The following NRG2 variants were observed in gnomAD, a reference collection of about 807,000 sequenced individuals.
NRG2 encodes the protein neuregulin 2.
A neutral mutation model predicts 73.9 loss-of-function variants in NRG2; 27 were observed. That is an observed-to-expected ratio of 0.37 (90% CI 0.27 to 0.50). The LOEUF (loss-of-function observed/expected upper bound fraction) is 0.50. NRG2 is among the 20% of genes least tolerant of loss of function. NRG2 has a pLI of 0.96. For synonymous variants in NRG2, 532 were observed against 541.0 expected (o/e 0.98, Z 0.23); for missense variants, 1,126 against 1,210.1 (o/e 0.93, Z 1.03).
chr5:140,016,052 C>T (rs1348949075), intron 1 of NRG2, among the ~76,000 whole-genome samples: 1 of 152,160 alleles, frequency 6.6e-6, no homozygotes, highest in East Asian at 1.9e-4. Context: ...AAAATGGCTC[C>T]TTATGCCGAA....
chr5:139,947,703 G>A (rs1365311460), intron 1 of NRG2, among the ~76,000 whole-genome samples: 1 of 152,052 alleles, frequency 6.6e-6, no homozygotes, highest in Non-Finnish European at 1.5e-5. Flanking sequence ...CCACATCCTT[G>A]CCAACATTTA....
intron 1 of NRG2, among the ~76,000 whole-genome samples, chr5:140,039,248 AT>A (rs1645720580): frequency 6.6e-6 from 1 of 152,228 alleles, no homozygotes; most frequent in Non-Finnish European, 1.5e-5. Flanking sequence ...TTATACCAAA[AT>A]ATATGCAACC....
At chr5:140,041,169 A>T (rs1349293565) in intron 1 of NRG2, among the ~76,000 whole-genome samples, 1 of 152,220 alleles carries the variant, frequency 6.6e-6, no homozygotes, top group Non-Finnish European at 1.5e-5. Flanking sequence ...ACCCAGAATC[A>T]GTTGGTAAAA....
At chr5:140,035,303 TCTAACCAGATATTATCTTTCTTTC>T (rs1418122345) in intron 1 of NRG2, among the ~76,000 whole-genome samples, 2 of 152,208 alleles carry the variant, frequency 1.3e-5, no homozygotes, top group Middle Eastern at 3.2e-3. Context: ...TCTTTAATCT[TCTAACCAGATATTATCTTTCTTTC>T]CTTTTTGACT....
chr5:139,857,754 G>A (rs1761897877), intron 5 of NRG2, among the ~76,000 whole-genome samples: 1 of 152,028 alleles, frequency 6.6e-6, no homozygotes, highest in Non-Finnish European at 1.5e-5. Flanking sequence ...CCCAGCTCAT[G>A]GATGCAGCAC....
At chr5:139,932,200 A>T (rs1752510382) in intron 1 of NRG2, among the ~76,000 whole-genome samples, 1 of 151,216 alleles carries the variant, frequency 6.6e-6, no homozygotes, top group African/African-American at 2.4e-5. Context: ...CCATAGATGG[A>T]TGAATGGATA....
chr5:139,874,851 G>A (rs899274818), intron 3 of NRG2, among the ~76,000 whole-genome samples: 3 of 152,158 alleles, frequency 2.0e-5, no homozygotes, highest in African/African-American at 7.2e-5. Context: ...AATAAGCCAA[G>A]TAGTCTCCTG....
chr5:139,902,108 C>A (rs1004510107), intron 1 of NRG2, among the ~76,000 whole-genome samples: 1 of 152,246 alleles, frequency 6.6e-6, no homozygotes, highest in Non-Finnish European at 1.5e-5. Flanking sequence ...TGGCTTCCAG[C>A]TGTGCCATTC....
At chr5:139,994,644 T>C (rs915932937) in intron 1 of NRG2, among the ~76,000 whole-genome samples, 2 of 152,238 alleles carry the variant, frequency 1.3e-5, no homozygotes, top group African/African-American at 4.8e-5. Context: ...TGTTGTGTTC[T>C]TCACTATCAC....
At chr5:139,950,445 C>A (rs935230458) in intron 1 of NRG2, among the ~76,000 whole-genome samples, 15 of 152,182 alleles carry the variant, frequency 9.9e-5, no homozygotes, top group African/African-American at 3.6e-4. Flanking sequence ...GCTAAGGTCT[C>A]CCCTTTCACT....
intron 1 of NRG2, among the ~76,000 whole-genome samples, chr5:139,937,013 G>A (rs560734913): frequency 6.6e-6 from 1 of 152,208 alleles, no homozygotes; most frequent in Non-Finnish European, 1.5e-5. Context: ...TGTTGGCCAG[G>A]CTGGTCTCGA....
chr5:139,974,798 G>A (rs553880721), intron 1 of NRG2, among the ~76,000 whole-genome samples: 3 of 152,284 alleles, frequency 2.0e-5, no homozygotes, highest in African/African-American at 7.2e-5. Context: ...ACTCTGCAAC[G>A]TGGCACATGC....
chr5:139,904,204 G>T lies in NRG2; in HGVS notation c.701-16693C>A. On this transcript the variant is annotated intron_variant, in intron 1 of 9. Coordinates refer to ENST00000361474, the MANE Select transcript of NRG2 (RefSeq NM_004883.3). This position sits in a 1 kb window ranked among gnomAD's most constrained non-coding sequence, Gnocchi z 6.0. ...CTCGGTGCCTGTCACCGCGGCGGCC[G>T]CTAGCGCAGCCTAGACTCACCCGCG... 8.3e-7 allele frequency: 1 copy of T among 1,207,944 alleles called. No homozygotes were observed. The highest frequency in any genetic ancestry group is 1.1e-6 in the Non-Finnish European group (1 of 936,174). 74.8% of individuals were successfully genotyped at this position (1,207,944 alleles called of 1,614,324 possible).
chr5:139,893,143 C>A (rs540918254), intron 1 of NRG2, among the ~76,000 whole-genome samples: 1 of 152,172 alleles, frequency 6.6e-6, no homozygotes, highest in African/African-American at 2.4e-5. Context: ...TGCCAAAAGA[C>A]TTTTCTCTCC....
chr5:139,977,888 C>T (rs1358407828), intron 1 of NRG2, among the ~76,000 whole-genome samples: 1 of 152,106 alleles, frequency 6.6e-6, no homozygotes, highest in Non-Finnish European at 1.5e-5. Flanking sequence ...ACTGGCTAGC[C>T]AAATGTAGAA....
At chr5:140,019,436 C>A (rs945171630) in intron 1 of NRG2, 1 of 152,194 alleles carries the variant, frequency 6.6e-6, no homozygotes, top group Non-Finnish European at 1.5e-5. Context: ...AGCAAATAAT[C>A]CCCTTATCAG....
intron 1 of NRG2, among the ~76,000 whole-genome samples, chr5:139,971,020 G>A (rs1755928707): frequency 6.6e-6 from 1 of 151,996 alleles, no homozygotes; most frequent in Non-Finnish European, 1.5e-5. Context: ...GGAACACAGT[G>A]ACAACACCAC....
intron 1 of NRG2, among the ~76,000 whole-genome samples, chr5:139,923,690 T>G (rs1252856092): frequency 6.6e-6 from 1 of 152,154 alleles, no homozygotes; most frequent in Non-Finnish European, 1.5e-5. Flanking sequence ...AAATAGCCCT[T>G]AAGATCAACC....
intron 1 of NRG2, among the ~76,000 whole-genome samples, chr5:140,007,152 A>G (rs1238693536): frequency 2.6e-5 from 4 of 152,024 alleles, no homozygotes; most frequent in African/African-American, 9.7e-5. Flanking sequence ...CCAAGATAGT[A>G]CCCCATAACA....
Sources: gnomAD v4.1 joint callset for allele counts (sites outside exome capture counted in the v4.1 genomes callset) on GRCh38, gnomAD v4.1.1 for gene constraint, Gnocchi (gnomAD v3.1) non-coding constraint, MANE v1.5 for transcripts, NCBI Gene and HGNC (gene_info 2026-07-23, HGNC 2026-07-21) for gene names.